The following WDR64 variants were observed in gnomAD, a reference collection of about 807,000 sequenced individuals.
WDR64 encodes WD repeat-containing protein 64.
In WDR64, 112 loss-of-function variants were observed where a neutral mutation model predicts 139.3. The observed-to-expected ratio is 0.80, with a 90% confidence interval of 0.69 to 0.94. The LOEUF (loss-of-function observed/expected upper bound fraction) is 0.94, where lower values mean the gene tolerates loss of function less well. WDR64 is among the 40% of genes least tolerant of loss of function. WDR64 has a pLI of 0.00. For synonymous variants in WDR64, 444 were observed against 437.7 expected (o/e 1.01, Z -0.18); for missense variants, 1,206 against 1,293.1 (o/e 0.93, Z 1.03).
chr1:241,719,995 T>G (rs943881868), intron 9 of WDR64, among the ~76,000 whole-genome samples: 1 of 152,130 alleles, frequency 6.6e-6, no homozygotes, highest in Non-Finnish European at 1.5e-5. Flanking sequence ...TTCCCCACCG[T>G]GAGTCCATGT....
In WDR64 at chr1:241,680,880, C is replaced by T. The variant is rs181125422; in HGVS notation, c.624+1285C>T. Among the ~76,000 whole-genome samples the T allele has an allele frequency of 2.6e-5, 4 of 152,320 alleles. No homozygotes were observed. The Middle Eastern group carries it at 0.01, about 389-fold the overall frequency. ...ATTTCAGTATTCTTCTCAGGCTTCTCCCTCTAGTAGATGGACTTGCACTCT... is the reference window on the plus strand; with the variant it reads ...ATTTCAGTATTCTTCTCAGGCTTCTTCCTCTAGTAGATGGACTTGCACTCT... On this transcript the variant is annotated intron_variant, in intron 6 of 27. Transcript: ENST00000437684.
At chr1:241,770,445 C>A in intron 17 of WDR64, 176 bp from the exon 18 acceptor site, 1 of 523,880 alleles carries the variant, frequency 1.9e-6, no homozygotes, top group Non-Finnish European at 3.4e-6. Context: ...CCACCAATAT[C>A]ATACTGGTCA....
At chr1:241,702,562 G>A (rs1667761656) in intron 8 of WDR64, among the ~76,000 whole-genome samples, 1 of 151,748 alleles carries the variant, frequency 6.6e-6, no homozygotes, top group Admixed American at 6.6e-5. Context: ...AAGGAGAAGA[G>A]ATGAAACTAT....
At chr1:241,789,943 A>G (rs763461344) in intron 24 of WDR64, among the ~76,000 whole-genome samples, 2 of 152,198 alleles carry the variant, frequency 1.3e-5, no homozygotes, top group African/African-American at 2.4e-5. Context: ...TTTTGACTAT[A>G]AGGGAAGCCT....
chr1:241,749,542 C>T lies in WDR64; in HGVS notation c.1595-5C>T, dbSNP rs1558506015. The T allele has an allele frequency of 3.1e-6, 5 of 1,613,732 alleles. No individual in the cohort carries two copies. Among genetic ancestry groups the T allele is most frequent in the Non-Finnish European group, 4.2e-6 (5 of 1,179,826 alleles). On this transcript the variant is annotated splice_region_variant and splice_polypyrimidine_tract_variant and intron_variant, in intron 13 of 27. Coordinates refer to ENST00000437684, the MANE Select transcript of WDR64 (RefSeq NM_001367482.1). ...CCCACATAGTCTTTTTCTCTGTATG[C>T]TCAGGAACAGTCAGAATCTGGGACT...
rs1659527622 is a variant in WDR64 at position 241,801,638 on chromosome 1, A to C, written c.*423A>C. The C allele has an allele frequency of 2.5e-6, 1 of 399,182 alleles. No homozygotes were observed. The highest frequency in any genetic ancestry group is 1.3e-4 in the South Asian group (1 of 7,892). The allele number at this position is 399,182 out of a possible 1,614,324, so 24.7% of individuals were successfully genotyped here. ...GTGTTGTACAAAAAGAATTATTAAA[A>C]AGAAAAATGTACCAGTCAGATCTCT... On this transcript the variant is annotated 3_prime_UTR_variant, in exon 28 of 28. Transcript: ENST00000437684.
intron 25 of WDR64, among the ~76,000 whole-genome samples, chr1:241,794,629 C>T (rs749289578): frequency 1.0e-4 from 15 of 150,712 alleles, no homozygotes; most frequent in Non-Finnish European, 1.5e-4. Context: ...CTGCCTCAGC[C>T]TCCCAAGTAG....
At chr1:241,763,202 A>G (rs1458102149) in intron 15 of WDR64, among the ~76,000 whole-genome samples, 1 of 152,190 alleles carries the variant, frequency 6.6e-6, no homozygotes, top group East Asian at 1.9e-4. Flanking sequence ...GCAGTTAACA[A>G]ATAATTGTGT....
chr1:241,653,536 T>C (rs990517817), intron 1 of WDR64, among the ~76,000 whole-genome samples: 5 of 114,930 alleles, frequency 4.4e-5, no homozygotes, highest in African/African-American at 1.4e-4. Flanking sequence ...TTCTTTTCTT[T>C]TCTTTTCTTT....
intron 16 of WDR64, among the ~76,000 whole-genome samples, chr1:241,768,980 A>G (rs1658302892): frequency 6.6e-6 from 1 of 152,176 alleles, no homozygotes; most frequent in Non-Finnish European, 1.5e-5. Flanking sequence ...AAACTGTATG[A>G]AACCAGCCCG....
intron 2 of WDR64, among the ~76,000 whole-genome samples, chr1:241,670,298 A>C (rs771892256): frequency 6.6e-6 from 1 of 152,062 alleles, no homozygotes; most frequent in Non-Finnish European, 1.5e-5. Flanking sequence ...CACTTAAAGC[A>C]ACTCTTAAGT....
intron 3 of WDR64, among the ~76,000 whole-genome samples, chr1:241,672,217 C>A (rs1021477444): frequency 6.6e-6 from 1 of 152,034 alleles, no homozygotes; most frequent in Non-Finnish European, 1.5e-5. Context: ...TGAGCCAAAC[C>A]CACCTTCATC....
chr1:241,743,955 C>G (rs1669650240), intron 12 of WDR64, among the ~76,000 whole-genome samples: 1 of 152,138 alleles, frequency 6.6e-6, no homozygotes, highest in African/African-American at 2.4e-5. Context: ...TGAGCTCTTT[C>G]CTCAGGGTTC....
At chr1:241,753,097 C>A (rs1270805649) in intron 14 of WDR64, among the ~76,000 whole-genome samples, 3 of 152,096 alleles carry the variant, frequency 2.0e-5, no homozygotes, top group Non-Finnish European at 4.4e-5. Flanking sequence ...TAGGGCAACA[C>A]CTAAAATCAA....
At chr1:241,798,487 A>G (rs1659430075) in intron 27 of WDR64, among the ~76,000 whole-genome samples, 1 of 152,232 alleles carries the variant, frequency 6.6e-6, no homozygotes, top group Non-Finnish European at 1.5e-5. Context: ...AACTCCAAAG[A>G]GCCTAAATGG....
At chr1:241,788,323 G>C (rs1161821921) in intron 24 of WDR64, among the ~76,000 whole-genome samples, 2 of 152,192 alleles carry the variant, frequency 1.3e-5, no homozygotes, top group Admixed American at 6.5e-5. Flanking sequence ...AAGGCATAGG[G>C]GAGGAAGGAT....
rs1258036967 is a variant in WDR64 at position 241,776,321 on chromosome 1, T to C, written c.2536+1111T>C. 9.2e-5 allele frequency among the ~76,000 whole-genome samples: 14 copies of C among 152,190 alleles called. No homozygotes were observed. In the East Asian group the frequency reaches 2.5e-3, roughly 27 times the overall value. On this transcript the variant is annotated intron_variant, in intron 21 of 27. Transcript: ENST00000437684. ...CTTGAACTCCTGACCTCGTGTGATCTGCCCACCTCAGCTTCCCAAAGCACT... is the reference window on the plus strand; with the variant it reads ...CTTGAACTCCTGACCTCGTGTGATCCGCCCACCTCAGCTTCCCAAAGCACT...
chr1:241,799,919 A>G (rs1415967257), intron 27 of WDR64, among the ~76,000 whole-genome samples: 1 of 152,026 alleles, frequency 6.6e-6, no homozygotes, highest in African/African-American at 2.4e-5. Context: ...ATTATTTTTC[A>G]TATAGCTTAA....
At chr1:241,659,369 T>C (rs752981369) in intron 1 of WDR64, among the ~76,000 whole-genome samples, 9 of 152,354 alleles carry the variant, frequency 5.9e-5, no homozygotes, top group Non-Finnish European at 1.2e-4. Context: ...GCAATGAGCA[T>C]ATGCATGCAT....
Sources: gnomAD v4.1 joint callset for allele counts (sites outside exome capture counted in the v4.1 genomes callset) on GRCh38, gnomAD v4.1.1 for gene constraint, MANE v1.5 for transcripts, NCBI Gene and HGNC (gene_info 2026-07-23, HGNC 2026-07-21) for gene names.